The following NAALADL2 variants were observed in gnomAD, a reference collection of about 807,000 sequenced individuals.
The protein encoded by NAALADL2 is N-acetylated alpha-linked acidic dipeptidase like 2.
NAALADL2 carries 76 observed loss-of-function variants against 87.2 expected under a neutral mutation model. The ratio of observed to expected loss-of-function variants is 0.87; its 90% confidence interval spans 0.72 to 1.05. The LOEUF is 1.05. Among genes scored for constraint, NAALADL2 ranks in the 50% least tolerant of loss-of-function variants. NAALADL2 has a pLI of 0.00. For synonymous variants in NAALADL2, 354 were observed against 331.0 expected, an observed-to-expected ratio of 1.07 and a Z score of -0.75; for missense variants, 1,089 against 945.8, an observed-to-expected ratio of 1.15 and a Z score of -1.99.
chr3:175,343,999 A>C (rs562829305), intron 5 of NAALADL2, among the ~76,000 whole-genome samples: 1 of 152,202 alleles, frequency 6.6e-6, no homozygotes, highest in East Asian at 1.9e-4. Flanking sequence ...ATTCTGAAGT[A>C]AGTCCATTTC....
intron 9 of NAALADL2, among the ~76,000 whole-genome samples, chr3:175,532,723 C>A (rs1734252062): frequency 6.6e-6 from 1 of 152,198 alleles, no homozygotes; most frequent in South Asian, 2.1e-4. Context: ...ATGAGTGTCG[C>A]CACCTGGCTC....
rs59148895 is a variant in NAALADL2 at position 175,181,720 on chromosome 3, T to TGC, written c.546-52211_546-52210insGC. 1.5e-3 allele frequency among the ~76,000 whole-genome samples: 66 copies of TGC among 45,496 alleles called. 2 individuals are homozygous for TGC. Among genetic ancestry groups the TGC allele is most frequent in the Middle Eastern group, 0.012 (1 of 86 alleles). 29.8% of individuals were successfully genotyped at this position (45,496 alleles called of 152,430 possible). A position where few individuals can be genotyped will look rare whatever the true frequency, so the allele number is the denominator to read the frequency against. On this transcript the variant is annotated intron_variant, in intron 2 of 13. Transcript: ENST00000454872. Reference sequence around the variant, plus strand: ...ATATATATATGTGTGTGTGTGTGTATATATATGTATATATGTGTATATATG... The same window carrying TGC: ...ATATATATATGTGTGTGTGTGTGTATGCATATATGTATATATGTGTATATATG...
chr3:175,767,660 T>C (rs960200209), intron 13 of NAALADL2: 4 of 152,146 alleles, frequency 2.6e-5, no homozygotes, highest in African/African-American at 9.7e-5. Flanking sequence ...TTCCATATTA[T>C]TATAAATAAA....
At chr3:175,237,097 A>G (rs1307300507) in intron 3 of NAALADL2, among the ~76,000 whole-genome samples, 1 of 152,110 alleles carries the variant, frequency 6.6e-6, no homozygotes, top group Non-Finnish European at 1.5e-5. Context: ...TATATGTAAT[A>G]TTACTAATAT....
intron 2 of NAALADL2, among the ~76,000 whole-genome samples, chr3:174,611,082 G>T (rs1464770188): frequency 6.6e-6 from 1 of 150,526 alleles, no homozygotes; most frequent in Non-Finnish European, 1.5e-5. Context: ...ATCAAACACT[G>T]CATGTTGTCA....
At chr3:175,801,193 C>T (rs1047840808) in intron 13 of NAALADL2, among the ~76,000 whole-genome samples, 21 of 152,162 alleles carry the variant, frequency 1.4e-4, no homozygotes, top group African/African-American at 4.8e-4. Flanking sequence ...TGTCACCTTT[C>T]ATCTGGACTA....
chr3:175,646,921 T>C (rs1237991673), intron 11 of NAALADL2, among the ~76,000 whole-genome samples: 1 of 151,882 alleles, frequency 6.6e-6, no homozygotes, highest in East Asian at 1.9e-4. Flanking sequence ...TAACAAGGAG[T>C]TCAAAAGTCT....
chr3:174,805,074 A>G (rs1719302856), intron 3 of NAALADL2, among the ~76,000 whole-genome samples: 1 of 152,148 alleles, frequency 6.6e-6, no homozygotes, highest in South Asian at 2.1e-4. Context: ...GAGATGAACC[A>G]AGTAACTATT....
intron 4 of NAALADL2, among the ~76,000 whole-genome samples, chr3:175,293,710 G>A (rs537115747): frequency 2.4e-4 from 37 of 152,298 alleles, no homozygotes; most frequent in African/African-American, 7.2e-4. Context: ...ACAGCTAGAA[G>A]ATGACATCTA....
chr3:175,338,617 CCACAAA>C (rs1762255315), intron 5 of NAALADL2, among the ~76,000 whole-genome samples: 3 of 68,426 alleles, frequency 4.4e-5, no homozygotes, highest in African/African-American at 5.4e-5. Context: ...AAAAAAAACA[CCACAAA>C]CACACACACA....
intron 1 of NAALADL2, among the ~76,000 whole-genome samples, chr3:175,073,796 A>G (rs558626618): frequency 1.3e-3 from 191 of 152,124 alleles, no homozygotes; most frequent in African/African-American, 4.4e-3. Flanking sequence ...TCATTATTTT[A>G]TTATTAGTTT....
At chr3:174,634,981 T>G (rs1722488690) in intron 2 of NAALADL2, among the ~76,000 whole-genome samples, 1 of 152,228 alleles carries the variant, frequency 6.6e-6, no homozygotes, top group Non-Finnish European at 1.5e-5. Flanking sequence ...TGTACTGTTT[T>G]GGGTTTCTCC....
intron 2 of NAALADL2, among the ~76,000 whole-genome samples, chr3:174,735,400 G>C (rs1232155994): frequency 6.6e-6 from 1 of 152,164 alleles, no homozygotes. Context: ...TTGAGACTTA[G>C]AGATTCAGAA....
At chr3:174,631,772 G>T (rs1358752046) in intron 2 of NAALADL2, 6 of 152,122 alleles carry the variant, frequency 3.9e-5, no homozygotes, top group Admixed American at 3.9e-4. Context: ...CTTAAATATT[G>T]TGTATAACAT....
chr3:174,768,216 G>A (rs1429891695), intron 3 of NAALADL2, among the ~76,000 whole-genome samples: 1 of 152,124 alleles, frequency 6.6e-6, no homozygotes, highest in Admixed American at 6.6e-5. Context: ...TGGAGAGGAA[G>A]TGTTTTTACT....
chr3:175,295,085 A>G (rs553061278), intron 4 of NAALADL2, among the ~76,000 whole-genome samples: 1 of 152,304 alleles, frequency 6.6e-6, no homozygotes, highest in South Asian at 2.1e-4. Flanking sequence ...GCAGTCAGGT[A>G]AAAGAGTGTA....
intron 1 of NAALADL2, among the ~76,000 whole-genome samples, chr3:175,074,499 T>C (rs1046713582): frequency 1.1e-4 from 17 of 152,094 alleles, no homozygotes; most frequent in African/African-American, 4.1e-4. Context: ...TGAATTTTTT[T>C]GAAATAAATA....
At chr3:174,908,983 G>T (rs146038016) in intron 1 of NAALADL2, among the ~76,000 whole-genome samples, 3 of 150,918 alleles carry the variant, frequency 2.0e-5, no homozygotes, top group South Asian at 2.1e-4. Context: ...TAGACTTAAG[G>T]CATGTCCTTA....
chr3:175,132,022 C>T (rs1367118669), intron 2 of NAALADL2, among the ~76,000 whole-genome samples: 34 of 127,144 alleles, frequency 2.7e-4, no homozygotes, highest in African/African-American at 5.2e-4. Flanking sequence ...CCCTCCCGGA[C>T]GGGGCGGCTG....
Sources: gnomAD v4.1 joint callset for allele counts (sites outside exome capture counted in the v4.1 genomes callset) on GRCh38, gnomAD v4.1.1 for gene constraint, MANE v1.5 for transcripts, NCBI Gene and HGNC (gene_info 2026-07-23, HGNC 2026-07-21) for gene names.